Variants in CYP20A1 observed in about 807,000 individuals in gnomAD.
CYP20A1 encodes the protein cytochrome P450 family 20 subfamily A member 1, also known as cytochrome P450 20A1.
A neutral mutation model predicts 61.4 loss-of-function variants in CYP20A1; 61 were observed. The observed-to-expected ratio is 0.99, with a 90% CI of 0.81 to 1.23. The LOEUF (loss-of-function observed/expected upper bound fraction) is 1.23. CYP20A1 is among the 50% of genes most tolerant of loss of function. The pLI is 0.00. For missense variants in CYP20A1, 530 were observed against 542.4 expected, an observed-to-expected ratio of 0.98 and a Z score of 0.23; for synonymous variants, 193 against 188.2, an observed-to-expected ratio of 1.03 and a Z score of -0.21.
At chr2:203,296,339 C>A in intron 11 of CYP20A1, 135 bp from the exon 12 acceptor site, 3 of 528,154 alleles carry the variant, frequency 5.7e-6, no homozygotes, top group Non-Finnish European at 1.0e-5. Flanking sequence ...AAATAAGTGG[C>A]ATTTAAATAT....
chr2:203,249,851 G>GA (rs899293526), intron 3 of CYP20A1, among the ~76,000 whole-genome samples: 26 of 151,368 alleles, frequency 1.7e-4, no homozygotes, highest in Admixed American at 5.9e-4. Context: ...TCTCAAAAAA[G>GA]AAAAAAAATG....
chr2:203,292,342 C>T lies in CYP20A1; in HGVS notation c.1148+16C>T. The stretch of plus-strand genomic sequence containing the variant: ...CTCCACACAAGTATGAAATATTTGT[C>T]ATTGTATTTGTGACTGTCAGTTTTT... On this transcript the variant is annotated intron_variant, in intron 11 of 12. Coordinates refer to ENST00000356079, the MANE Select transcript of CYP20A1 (RefSeq NM_177538.3). 1 of 1,585,290 alleles carries T rather than the reference C, an allele frequency of 6.3e-7. No homozygotes were observed. Among genetic ancestry groups the T allele is most frequent in the South Asian group, 1.1e-5 (1 of 90,200 alleles).
intron 4 of CYP20A1, among the ~76,000 whole-genome samples, chr2:203,258,005 G>GCAC (rs1455916330): frequency 4.6e-5 from 7 of 151,682 alleles, no homozygotes; most frequent in South Asian, 2.1e-4. Context: ...GGGCTGAAGG[G>GCAC]ATCCTCCTGC....
intron 1 of CYP20A1, among the ~76,000 whole-genome samples, chr2:203,243,296 A>G (rs1453490965): frequency 6.6e-6 from 1 of 151,706 alleles, no homozygotes; most frequent in Non-Finnish European, 1.5e-5. Context: ...GGCGTGTGCC[A>G]CCACAGTTGG....
intron 9 of CYP20A1, among the ~76,000 whole-genome samples, chr2:203,289,236 T>C (rs2068429351): frequency 6.6e-6 from 1 of 152,178 alleles, no homozygotes; most frequent in Admixed American, 6.6e-5. Context: ...TTTTTGTGAA[T>C]TGCTTTTTGT....
chr2:203,282,415 C>T (rs1365099963), intron 8 of CYP20A1, among the ~76,000 whole-genome samples: 2 of 151,638 alleles, frequency 1.3e-5, no homozygotes, highest in African/African-American at 2.4e-5. Flanking sequence ...GGGAGGATTG[C>T]GTGAGCCCCA....
At chr2:203,247,919 A>G (rs1021426640) in intron 3 of CYP20A1, among the ~76,000 whole-genome samples, 2 of 151,998 alleles carry the variant, frequency 1.3e-5, no homozygotes, top group Non-Finnish European at 2.9e-5. Flanking sequence ...GAGTATTATA[A>G]AGCTAGATTA....
At position 203,294,303 on chromosome 2, in the gene CYP20A1, C is replaced by T. The variant is rs372759822; in HGVS notation, c.1148+1977C>T. ...CTGTAATCCCAGCACTTTGGGAGGC[C>T]GAGGCGGGCAGATCACCTGAGGTCG... On this transcript the variant is annotated intron_variant, in intron 11 of 12. Coordinates refer to ENST00000356079, the MANE Select transcript of CYP20A1 (RefSeq NM_177538.3). Among the ~76,000 whole-genome samples the T allele has an allele frequency of 6.6e-5, 10 of 151,884 alleles. No individual in the cohort carries two copies. In the South Asian group the frequency reaches 1.2e-3, roughly 19 times the overall value.
At chr2:203,248,683 CT>C (rs2066550050) in intron 3 of CYP20A1, among the ~76,000 whole-genome samples, 1 of 152,154 alleles carries the variant, frequency 6.6e-6, no homozygotes, top group Non-Finnish European at 1.5e-5. Flanking sequence ...TATTGGTTAG[CT>C]ATTTGTAAAA....
At chr2:203,242,493 T>G (rs1009287543) in intron 1 of CYP20A1, among the ~76,000 whole-genome samples, 2 of 152,062 alleles carry the variant, frequency 1.3e-5, no homozygotes, top group Non-Finnish European at 2.9e-5. Flanking sequence ...AAACTGATGA[T>G]GTAAGAAGCT....
intron 1 of CYP20A1, among the ~76,000 whole-genome samples, chr2:203,241,981 G>A (rs879339745): frequency 1.3e-5 from 2 of 152,062 alleles, no homozygotes; most frequent in African/African-American, 4.8e-5. Flanking sequence ...AGCTGGGACT[G>A]CAGGCACACA....
intron 5 of CYP20A1, among the ~76,000 whole-genome samples, chr2:203,268,551 C>CT (rs1444877796): frequency 6.6e-6 from 1 of 150,704 alleles, no homozygotes; most frequent in African/African-American, 2.4e-5. Flanking sequence ...TCAAAGGAAA[C>CT]TTTTCAGACT....
chr2:203,275,692 G>A (rs1038670966), intron 6 of CYP20A1, among the ~76,000 whole-genome samples: 5 of 152,016 alleles, frequency 3.3e-5, no homozygotes, highest in Non-Finnish European at 7.4e-5. Context: ...CACCCACCTC[G>A]GCCTCCCAAA....
intron 8 of CYP20A1, among the ~76,000 whole-genome samples, chr2:203,284,312 C>A (rs549720856): frequency 6.6e-6 from 1 of 152,208 alleles, no homozygotes; most frequent in Non-Finnish European, 1.5e-5. Flanking sequence ...GACACAGGAA[C>A]AATAGAGCTA....
rs1386708835 is a variant in CYP20A1, at chr2:203,298,361, G to C, written c.*1453G>C. The C allele has an allele frequency of 5.3e-6, 1 of 189,378 alleles. No homozygotes were observed. Among genetic ancestry groups the C allele is most frequent in the Non-Finnish European group, 1.1e-5 (1 of 91,690 alleles). 11.7% of individuals were successfully genotyped at this position (189,378 alleles called of 1,614,324 possible). On this transcript the variant is annotated 3_prime_UTR_variant, in exon 13 of 13. Coordinates refer to ENST00000356079, the MANE Select transcript of CYP20A1 (RefSeq NM_177538.3). ...TCTGTGATCACACCACTGCACTCCA[G>C]CCTGGGCAACAGAGCAAAACCCTGC...
At chr2:203,281,030 G>A (rs565509153) in intron 8 of CYP20A1, among the ~76,000 whole-genome samples, 16 of 152,066 alleles carry the variant, frequency 1.1e-4, no homozygotes, top group Non-Finnish European at 1.9e-4. Flanking sequence ...CAGAAATCAC[G>A]ATTTAAAAGA....
chr2:203,291,032 G>A (rs1261686090), intron 10 of CYP20A1, among the ~76,000 whole-genome samples: 2 of 152,044 alleles, frequency 1.3e-5, no homozygotes, highest in African/African-American at 2.4e-5. Context: ...GTTGAGTAGA[G>A]TCTGAGACAC....
chr2:203,284,604 G>A (rs554511103), intron 8 of CYP20A1, among the ~76,000 whole-genome samples: 6 of 152,070 alleles, frequency 3.9e-5, no homozygotes, highest in East Asian at 1.9e-4. Context: ...CCATTTTGGC[G>A]TTGAGATAAA....
chr2:203,276,021 G>A (rs1326406421), intron 6 of CYP20A1, among the ~76,000 whole-genome samples: 1 of 152,168 alleles, frequency 6.6e-6, no homozygotes, highest in Admixed American at 6.6e-5. Context: ...TAATTATTAG[G>A]AAAGGCCTCA....
Sources: allele counts gnomAD v4.1 joint callset (sites outside exome capture counted in the v4.1 genomes callset), GRCh38; gene constraint gnomAD v4.1.1; transcripts MANE v1.5; gene names NCBI Gene and HGNC (gene_info 2026-07-23, HGNC 2026-07-21).